DIP2C: variants seen among roughly 807,000 people sequenced by gnomAD.
DIP2C encodes DIP2 acetate--CoA ligase C (putative), also known as disco-interacting protein 2 homolog C.
DIP2C carries 33 observed loss-of-function variants against 192.4 expected under a neutral mutation model. The ratio of observed to expected loss-of-function variants is 0.17; its 90% CI spans 0.13 to 0.23. The LOEUF (loss-of-function observed/expected upper bound fraction) is 0.23. Among genes scored for constraint, DIP2C ranks in the 10% least tolerant of loss-of-function variants. The probability of loss-of-function intolerance (pLI) is 1.00; values close to 1 mark genes in which losing one functional copy is unlikely to be tolerated. For synonymous variants in DIP2C, 979 were observed against 864.1 expected (o/e 1.13, Z -2.33); for missense variants, 1,537 against 2,110.1 (o/e 0.73, Z 5.32).
intron 1 of DIP2C, among the ~76,000 whole-genome samples, chr10:616,660 C>G (rs187980248): frequency 6.6e-6 from 1 of 152,188 alleles, no homozygotes; most frequent in Admixed American, 6.5e-5. Flanking sequence ...GAGCAGAGTG[C>G]GGGAAGGACC....
intron 17 of DIP2C, among the ~76,000 whole-genome samples, chr10:382,359 A>T (rs540469824): frequency 2.4e-4 from 36 of 152,358 alleles, no homozygotes; most frequent in African/African-American, 8.4e-4. Flanking sequence ...AAATTGGAGT[A>T]AATTCCAAGG....
chr10:525,833 G>A (rs1483441292), intron 1 of DIP2C, among the ~76,000 whole-genome samples: 1 of 152,152 alleles, frequency 6.6e-6, no homozygotes, highest in Non-Finnish European at 1.5e-5. Flanking sequence ...AGACATGATG[G>A]CCAAGCCTGG....
intron 1 of DIP2C, chr10:649,993 A>G (rs1855752620): frequency 4.7e-6 from 3 of 637,938 alleles, no homozygotes; most frequent in Non-Finnish European, 8.5e-6. Context: ...TTTGCCGTCC[A>G]AAGTTCACAT....
At chr10:446,331 C>T (rs531490991) in intron 3 of DIP2C, among the ~76,000 whole-genome samples, 6 of 151,510 alleles carry the variant, frequency 4.0e-5, no homozygotes, top group Admixed American at 2.6e-4. Flanking sequence ...CACTGGACAT[C>T]GGTATACAAC....
intron 1 of DIP2C, among the ~76,000 whole-genome samples, chr10:646,228 A>C (rs950415529): frequency 6.6e-6 from 1 of 152,126 alleles, no homozygotes; most frequent in African/African-American, 2.4e-5. Context: ...AAAAACCCCA[A>C]GGGCTGTTTC....
intron 3 of DIP2C, among the ~76,000 whole-genome samples, chr10:446,917 C>A (rs79402642): frequency 6.6e-6 from 1 of 152,124 alleles, no homozygotes; most frequent in South Asian, 2.1e-4. Context: ...AAAACTACAC[C>A]ACATCAAGAG....
At chr10:669,629 G>A (rs541495327) in intron 1 of DIP2C, 4 of 152,342 alleles carry the variant, frequency 2.6e-5, no homozygotes, top group Admixed American at 2.6e-4. Flanking sequence ...CAGGTAAGAG[G>A]CAGCTTGACA....
At chr10:681,231 ATT>A (rs1263667520) in intron 1 of DIP2C, among the ~76,000 whole-genome samples, 1 of 149,130 alleles carries the variant, frequency 6.7e-6, no homozygotes, top group Non-Finnish European at 1.5e-5. Context: ...GGCCACGGAT[ATT>A]GGGAAACACA....
chr10:521,210 TAAA>T (rs1846685739), intron 1 of DIP2C, among the ~76,000 whole-genome samples: 1 of 152,100 alleles, frequency 6.6e-6, no homozygotes, highest in Non-Finnish European at 1.5e-5. Flanking sequence ...CATCAGCTCT[TAAA>T]AACAACCAGA....
chr10:572,817 T>TC (rs1006174449), intron 1 of DIP2C, among the ~76,000 whole-genome samples: 1 of 152,046 alleles, frequency 6.6e-6, no homozygotes, highest in African/African-American at 2.4e-5. Flanking sequence ...CCCCTCAGTC[T>TC]CCCTCCCCTC....
chr10:311,823 C>T lies in DIP2C; in HGVS notation c.3925-1731G>A, dbSNP rs531819075. On this transcript the variant is annotated intron_variant, in intron 31 of 36. Transcript: ENST00000280886. ...TGTTTTAAAGATGTCAACATATCCA[C>T]GGAGCAACAGAAGAGGGTGTAGCAG... Among the ~76,000 whole-genome samples the T allele has an allele frequency of 9.8e-5, 15 of 152,312 alleles. No homozygotes were observed. In the South Asian group the frequency reaches 1.0e-3, roughly 11 times the overall value.
At chr10:577,951 A>C (rs1036153659) in intron 1 of DIP2C, among the ~76,000 whole-genome samples, 1 of 152,124 alleles carries the variant, frequency 6.6e-6, no homozygotes, top group Non-Finnish European at 1.5e-5. Context: ...CTGTTCTGAA[A>C]AATCAGATTA....
rs1194728801 is a variant in DIP2C, at chr10:367,416, GAA to G, written c.2132-1007_2132-1006del. Among the ~76,000 whole-genome samples, 965 of 109,262 alleles carry G rather than the reference GAA, an allele frequency of 8.8e-3. 4 individuals are homozygous for G. The highest frequency in any genetic ancestry group is 0.014 in the Non-Finnish European group (721 of 50,216). 71.7% of individuals were successfully genotyped at this position (109,262 alleles called of 152,430 possible). On this transcript the variant is annotated intron_variant, in intron 18 of 36. Coordinates refer to ENST00000280886, the MANE Select transcript of DIP2C (RefSeq NM_014974.3). ...TGGGCGACAGCGAGACTCCGTCTCA[GAA>G]AAAAAAAAAAAAAAAGTTCACATTA...
chr10:370,064 C>A, intron 17 of DIP2C: 2 of 984,774 alleles, frequency 2.0e-6, no homozygotes, highest in Non-Finnish European at 2.4e-6. Flanking sequence ...GCAGACAAAA[C>A]CACTGAACAG....
intron 1 of DIP2C, among the ~76,000 whole-genome samples, chr10:541,614 A>C (rs1314190226): frequency 7.8e-6 from 1 of 128,138 alleles, no homozygotes; most frequent in African/African-American, 3.1e-5. Flanking sequence ...ACATGACCAC[A>C]CCCATCTCTC....
At chr10:390,436 C>T in intron 11 of DIP2C, 63 bp from the exon 12 acceptor site, 2 of 1,481,916 alleles carry the variant, frequency 1.3e-6, no homozygotes, top group Non-Finnish European at 1.9e-6. Flanking sequence ...TAGAATTTCT[C>T]CCCATTTATG....
intron 3 of DIP2C, among the ~76,000 whole-genome samples, chr10:446,787 T>C (rs570564403): frequency 1.3e-5 from 2 of 152,340 alleles, no homozygotes; most frequent in African/African-American, 2.4e-5. Flanking sequence ...ATAACGACTA[T>C]TAAATTTCAA....
chr10:487,190 T>C (rs150475609), intron 1 of DIP2C, among the ~76,000 whole-genome samples: 1 of 152,306 alleles, frequency 6.6e-6, no homozygotes, highest in East Asian at 1.9e-4. Flanking sequence ...AGCCACCTCA[T>C]CGACACACAG....
intron 1 of DIP2C, among the ~76,000 whole-genome samples, chr10:626,448 C>G (rs893867654): frequency 1.3e-5 from 2 of 151,482 alleles, no homozygotes; most frequent in African/African-American, 2.4e-5. Context: ...CTCCGTCCCC[C>G]CGTCCCCGGA....
Sources: gnomAD v4.1 joint callset for allele counts (sites outside exome capture counted in the v4.1 genomes callset) on GRCh38, gnomAD v4.1.1 for gene constraint, MANE v1.5 for transcripts, NCBI Gene and HGNC (gene_info 2026-07-23, HGNC 2026-07-21) for gene names.